The following TECPR1 variants were observed in gnomAD, a reference collection of about 807,000 sequenced individuals.
TECPR1 encodes tectonin beta-propeller repeat-containing protein 1.
Under a neutral mutation model 162.4 loss-of-function variants are expected in TECPR1, and 122 were observed. The ratio of observed to expected loss-of-function variants is 0.75; its 90% CI spans 0.65 to 0.87. The LOEUF is 0.87. TECPR1 is among the 40% of genes least tolerant of loss of function. The pLI, the probability that TECPR1 is intolerant of heterozygous loss-of-function variation, is 0.00. For missense variants in TECPR1, 1,432 were observed against 1,618.2 expected (o/e 0.88, Z 1.97); for synonymous variants, 642 against 670.6 (o/e 0.96, Z 0.66).
intron 8 of TECPR1, among the ~76,000 whole-genome samples, chr7:98,240,095 C>A (rs1368835357): frequency 6.6e-6 from 1 of 151,766 alleles, no homozygotes; most frequent in African/African-American, 2.4e-5. Flanking sequence ...GGTGACAGAG[C>A]GACACTCCGT....
At position 98,247,789 on chromosome 7, in the gene TECPR1, C is replaced by G. The variant is rs187109247; in HGVS notation, c.-19-1624G>C. ...CCAGACTGGAGTACAGTGGTGCAAT[C>G]ATAGCTCACTGCAGCCTTGAACTCC... On this transcript the variant is annotated intron_variant, in intron 2 of 25. Coordinates refer to ENST00000447648, the MANE Select transcript of TECPR1 (RefSeq NM_015395.3). 2.5e-4 allele frequency among the ~76,000 whole-genome samples: 38 copies of G among 152,178 alleles called. No homozygotes were observed. In the East Asian group the frequency reaches 6.8e-3, roughly 27 times the overall value.
At chr7:98,222,323 T>A in intron 22 of TECPR1, 63 bp downstream of exon 22, 1 of 1,557,578 alleles carries the variant, frequency 6.4e-7, no homozygotes, top group Non-Finnish European at 8.7e-7. Context: ...GAGGGGATGT[T>A]CAGCAAACAT....
Position 98,217,945 on chromosome 7 carries a change from G to A in TECPR1, c.3255C>T (p.Pro1085=), listed in dbSNP as rs770873755. Residue 1085 remains proline, a synonymous_variant, in exon 24 of 26, where the codon CCC becomes CCT. Coordinates refer to ENST00000447648, the MANE Select transcript of TECPR1 (RefSeq NM_015395.3). ...SNNVCRVSVG[P]LDQVWVIANK... is the part of the protein sequence containing the mutation. ...CCCTGAGCACCCCCACCTGGTCCAGGGGCCCCACGGACACTCGGCACACGT... is the reference window on the plus strand; with the variant it reads ...CCCTGAGCACCCCCACCTGGTCCAGAGGCCCCACGGACACTCGGCACACGT... The A allele has an allele frequency of 6.4e-7, 1 of 1,554,944 alleles. No homozygotes were observed. Among genetic ancestry groups the A allele is most frequent in the South Asian group, 1.2e-5 (1 of 84,276 alleles).
At position 98,245,067 on chromosome 7, in the gene TECPR1, G is replaced by A. The variant is rs200273622; in HGVS notation, c.226C>T (p.Arg76Cys). 477 of 1,576,610 alleles carry A rather than the reference G, an allele frequency of 3.0e-4. No individual in the cohort carries two copies. The highest frequency in any genetic ancestry group is 3.6e-4 in the Non-Finnish European group (415 of 1,162,216). ...RRREEAYENQRWNPMGGFCEK... is the reference protein window; with the variant it reads ...RRREEAYENQCWNPMGGFCEK... Reference sequence around the variant, plus strand: ...CAGAAGCCGCCCATGGGATTCCAGCGCTGAGGGCCGGGGACACAGAGGCGG... The same window carrying A: ...CAGAAGCCGCCCATGGGATTCCAGCACTGAGGGCCGGGGACACAGAGGCGG... Residue 76 changes from arginine (R) to cysteine (C), a missense_variant and splice_region_variant, in exon 4 of 26, where the codon CGC (arginine) becomes TGC (cysteine). By Grantham distance (180) the Arg-to-Cys change is radical. Transcript: ENST00000447648.
chr7:98,219,152 A>G (rs1005615108), intron 23 of TECPR1, among the ~76,000 whole-genome samples: 23 of 152,218 alleles, frequency 1.5e-4, no homozygotes, highest in Admixed American at 8.5e-4. Context: ...GACACTTTAT[A>G]CAATAAATGG....
In TECPR1 at chr7:98,217,048, C is replaced by T. The variant is rs1048708108; in HGVS notation, c.*342G>A. 2.1e-4 allele frequency: 49 copies of T among 230,080 alleles called. No homozygotes were observed. The highest frequency in any genetic ancestry group is 1.4e-3 in the Middle Eastern group (1 of 706). The allele number at this position is 230,080 out of a possible 1,614,324, so 14.3% of individuals were successfully genotyped here. Reference sequence around the variant, plus strand: ...CCTGGCTCTGCTGCCCCAGGGCCGGCGTTCCCGGAGGGCTCCAGGTTCCCG... The same window carrying T: ...CCTGGCTCTGCTGCCCCAGGGCCGGTGTTCCCGGAGGGCTCCAGGTTCCCG... On this transcript the variant is annotated 3_prime_UTR_variant, in exon 26 of 26. Coordinates refer to ENST00000447648, the MANE Select transcript of TECPR1 (RefSeq NM_015395.3).
rs527669579 is a variant in TECPR1, at chr7:98,235,233, C to T, written c.1182-1322G>A. Among the ~76,000 whole-genome samples, 75 of 152,206 alleles carry T rather than the reference C, an allele frequency of 4.9e-4. 1 individual carries two copies. Among genetic ancestry groups the T allele is most frequent in the African/African-American group, 1.8e-3 (73 of 41,534 alleles). ...TCTAATGTGCTTTCCAGTTTAAGAA[C>T]TAACAGCTGGGGCCAGGCGCAGTGG... On this transcript the variant is annotated intron_variant, in intron 10 of 25. Transcript: ENST00000447648.
chr7:98,225,620 T>C (rs1798263319), intron 17 of TECPR1, among the ~76,000 whole-genome samples: 1 of 152,048 alleles, frequency 6.6e-6, no homozygotes, highest in Non-Finnish European at 1.5e-5. Flanking sequence ...CTTTCTCTCT[T>C]TCTTTCCCTT....
At chr7:98,228,825 C>T (rs1294651712) in intron 16 of TECPR1, 2 of 564,766 alleles carry the variant, frequency 3.5e-6, no homozygotes, top group Non-Finnish European at 6.0e-6. Context: ...CTGGCCGCTG[C>T]CTCTCTGGAA....
chr7:98,222,373 G>C lies in TECPR1; in HGVS notation c.3064+13C>G. 2 of 1,605,292 alleles carry C rather than the reference G, an allele frequency of 1.2e-6. No homozygotes were observed. The highest frequency in any genetic ancestry group is 1.7e-6 in the Non-Finnish European group (2 of 1,176,472). On this transcript the variant is annotated intron_variant, in intron 22 of 25. Coordinates refer to ENST00000447648, the MANE Select transcript of TECPR1 (RefSeq NM_015395.3). The stretch of plus-strand genomic sequence containing the variant: ...GGTGAACACTGCAGGGGCTCCTGGG[G>C]CGCGGCACTCACCGGCTGGCTGCGA...
intron 21 of TECPR1, chr7:98,222,787 G>A (rs544506589): frequency 1.5e-5 from 12 of 811,720 alleles, no homozygotes; most frequent in Non-Finnish European, 1.8e-5. Context: ...CCAAAGAGCC[G>A]CAGTGTCCCC....
chr7:98,225,656 T>C (rs1798264813), intron 17 of TECPR1, among the ~76,000 whole-genome samples: 1 of 152,124 alleles, frequency 6.6e-6, no homozygotes. Context: ...CGTTCTCTTT[T>C]CTTTCTTTCT....
At chr7:98,217,584 A>G in intron 25 of TECPR1, 81 bp from the exon 26 acceptor site, 1 of 1,537,126 alleles carries the variant, frequency 6.5e-7, no homozygotes, top group Non-Finnish European at 8.8e-7. Flanking sequence ...CCTCCCTGCA[A>G]CCCAGACACC....
At chr7:98,249,830 A>C (rs1316569878) in intron 2 of TECPR1, among the ~76,000 whole-genome samples, 1 of 151,906 alleles carries the variant, frequency 6.6e-6, no homozygotes, top group East Asian at 1.9e-4. Context: ...AGGCAGGAGA[A>C]TCGCTTGAAC....
At position 98,241,007 on chromosome 7, in the gene TECPR1, G is replaced by A. The variant is rs1798732615; in HGVS notation, c.833-56C>T. 6.3e-7 allele frequency: 1 copy of A among 1,585,210 alleles called. No individual in the cohort carries two copies. The highest frequency in any genetic ancestry group is 8.6e-7 in the Non-Finnish European group (1 of 1,166,608). ...CCCCATCAGCCTGGACAGCTGGGGA[G>A]CGAGTGACCCTCACCCTTCTCCCCA... On this transcript the variant is annotated intron_variant, in intron 7 of 25. Transcript: ENST00000447648. This position sits in a 1 kb window ranked among gnomAD's most constrained non-coding sequence, Gnocchi z 5.0.
rs565194078 is a variant in TECPR1 at position 98,244,566 on chromosome 7, G to C, written c.531+5C>G. The C allele has an allele frequency of 3.7e-5, 59 of 1,603,314 alleles. No individual in the cohort carries two copies. The East Asian group carries it at 1.1e-3, about 30-fold the overall frequency. On this transcript the variant is annotated splice_donor_5th_base_variant and intron_variant, in intron 5 of 25. Coordinates refer to ENST00000447648, the MANE Select transcript of TECPR1 (RefSeq NM_015395.3). ...TGCCCCCAACCCACATTCAGGAACA[G>C]AGACCTTGGCCCAGATGTCCCGGGA...
chr7:98,248,244 CA>C (rs1339429432), intron 2 of TECPR1, among the ~76,000 whole-genome samples: 4 of 152,170 alleles, frequency 2.6e-5, no homozygotes, highest in Admixed American at 6.6e-5. Context: ...TGGATGAAGC[CA>C]CCAGGGCCAT....
At chr7:98,227,873 T>G in intron 17 of TECPR1, 141 bp downstream of exon 17, 1 of 542,992 alleles carries the variant, frequency 1.8e-6, no homozygotes, top group Non-Finnish European at 3.3e-6. Context: ...CAGTGAGCGG[T>G]AAGATCCGGT....
In TECPR1 at chr7:98,217,072, C is replaced by T. The variant is rs564544032; in HGVS notation, c.*318G>A. On this transcript the variant is annotated 3_prime_UTR_variant, in exon 26 of 26. Transcript: ENST00000447648. Reference sequence around the variant, plus strand: ...GCGTTCCCGGAGGGCTCCAGGTTCCCGGTTCTAGTCCTGGAAAGGCAGAAG... The same window carrying T: ...GCGTTCCCGGAGGGCTCCAGGTTCCTGGTTCTAGTCCTGGAAAGGCAGAAG... The T allele has an allele frequency of 3.0e-5, 8 of 264,652 alleles. No homozygotes were observed. Among genetic ancestry groups the T allele is most frequent in the Admixed American group, 2.4e-4 (5 of 20,592 alleles). 16.4% of individuals were successfully genotyped at this position (264,652 alleles called of 1,614,324 possible).
Sources: allele counts gnomAD v4.1 joint callset (sites outside exome capture counted in the v4.1 genomes callset), GRCh38; gene constraint gnomAD v4.1.1; non-coding constraint Gnocchi (gnomAD v3.1); transcripts MANE v1.5; gene names NCBI Gene and HGNC (gene_info 2026-07-23, HGNC 2026-07-21).